Variants in OOSP1 observed in about 807,000 individuals in gnomAD.
The protein encoded by OOSP1 is oocyte secreted protein 1, also known as putative oocyte-secreted protein 1 homolog.
OOSP1 carries 11 observed loss-of-function variants against 5.7 expected under a neutral mutation model. The ratio of observed to expected loss-of-function variants is 1.94; its 90% confidence interval spans 1.22 to 3.20. OOSP1 has a LOEUF of 3.20. OOSP1 is among the 30% of genes most tolerant of loss of function. The pLI, the probability that OOSP1 is intolerant of heterozygous loss-of-function variation, is 0.00. For synonymous variants in OOSP1, 44 were observed against 20.0 expected (o/e 2.20, Z -3.20); for missense variants, 83 against 54.1 (o/e 1.53, Z -1.67).
intron 4 of OOSP1, chr11:59,948,561 C>T (rs1853910159): frequency 5.1e-6 from 2 of 390,310 alleles, no homozygotes; most frequent in Non-Finnish European, 9.1e-6. Context: ...TTTCTTTCTT[C>T]TCCTCCCTTA....
At chr11:59,942,463 G>A (rs1853839574) in intron 1 of OOSP1, among the ~76,000 whole-genome samples, 1 of 152,108 alleles carries the variant, frequency 6.6e-6, no homozygotes, top group Non-Finnish European at 1.5e-5. Flanking sequence ...GGAAGGGCTT[G>A]CGTCAAAGAG....
intron 2 of OOSP1, 63 bp from the exon 3 acceptor site, chr11:59,945,106 G>A (rs1375548540): frequency 2.9e-6 from 2 of 694,940 alleles, no homozygotes; most frequent in African/African-American, 3.5e-5. Context: ...CTATTTAAAT[G>A]CCTGTAAGTT....
At chr11:59,942,771 A>T in intron 1 of OOSP1, 76 bp from the exon 2 acceptor site, 1 of 632,678 alleles carries the variant, frequency 1.6e-6, no homozygotes, top group Non-Finnish European at 2.8e-6. Context: ...CATTTGTATT[A>T]ACAGGGTATG....
At chr11:59,950,587 T>C (rs1853930031) in intron 4 of OOSP1, among the ~76,000 whole-genome samples, 1 of 151,564 alleles carries the variant, frequency 6.6e-6, no homozygotes, top group Non-Finnish European at 1.5e-5. Context: ...GCAGGTGGAG[T>C]TGTCAGCTGT....
chr11:59,947,240 G>T (rs1356464806), intron 3 of OOSP1, among the ~76,000 whole-genome samples: 1 of 151,984 alleles, frequency 6.6e-6, no homozygotes, highest in African/African-American at 2.4e-5. Flanking sequence ...GTGCTTGTAT[G>T]AATGTATTTT....
At chr11:59,954,645 C>CTATCTATCTATCTA (rs1853976088) in intron 4 of OOSP1, among the ~76,000 whole-genome samples, 1 of 151,394 alleles carries the variant, frequency 6.6e-6, no homozygotes, top group Non-Finnish European at 1.5e-5. Flanking sequence ...ATCTATCTAT[C>CTATCTATCTATCTA]TATCTATCTA....
intron 2 of OOSP1, among the ~76,000 whole-genome samples, chr11:59,943,294 C>T (rs1438108234): frequency 6.6e-6 from 1 of 151,742 alleles, no homozygotes; most frequent in Non-Finnish European, 1.5e-5. Context: ...ACCAACATGG[C>T]ACATGTATAC....
At chr11:59,939,273 G>A (rs996219542) in intron 1 of OOSP1, among the ~76,000 whole-genome samples, 4 of 142,256 alleles carry the variant, frequency 2.8e-5, no homozygotes, top group Admixed American at 2.2e-4. Context: ...TTTTTTTTGG[G>A]ACAAGAGTCT....
chr11:59,946,929 A>G (rs1462443451), intron 3 of OOSP1, among the ~76,000 whole-genome samples: 1 of 148,006 alleles, frequency 6.8e-6, no homozygotes, highest in Admixed American at 6.7e-5. Flanking sequence ...CTATCTATCT[A>G]TCTATCTATC....
chr11:59,941,670 G>A (rs1425176426), intron 1 of OOSP1, among the ~76,000 whole-genome samples: 2 of 152,122 alleles, frequency 1.3e-5, no homozygotes, highest in African/African-American at 2.4e-5. Context: ...GAGCCACCTC[G>A]CCCAGCCCAT....
At chr11:59,950,073 G>C (rs61903601) in intron 4 of OOSP1, among the ~76,000 whole-genome samples, 1 of 152,148 alleles carries the variant, frequency 6.6e-6, no homozygotes, top group Non-Finnish European at 1.5e-5. Context: ...ATGTAGCATG[G>C]ATTTCATAGG....
chr11:59,950,698 G>A (rs529520806), intron 4 of OOSP1, among the ~76,000 whole-genome samples: 3 of 152,102 alleles, frequency 2.0e-5, no homozygotes, highest in Non-Finnish European at 4.4e-5. Flanking sequence ...AGACAGTTTT[G>A]GTGGAGAGGT....
intron 4 of OOSP1, among the ~76,000 whole-genome samples, chr11:59,951,018 T>C (rs1394448486): frequency 3.3e-5 from 5 of 152,046 alleles, no homozygotes; most frequent in Non-Finnish European, 5.9e-5. Flanking sequence ...ATTACTATCA[T>C]ATGATAGTAA....
chr11:59,940,453 G>A (rs999601232), intron 1 of OOSP1, among the ~76,000 whole-genome samples: 4 of 152,116 alleles, frequency 2.6e-5, no homozygotes, highest in African/African-American at 9.7e-5. Flanking sequence ...CAAATTTGTG[G>A]ATCTGTAAAT....
intron 4 of OOSP1, chr11:59,948,831 A>G (rs1379473690): frequency 5.0e-6 from 2 of 397,766 alleles, no homozygotes; most frequent in Non-Finnish European, 8.9e-6. Flanking sequence ...AGGACTGAGG[A>G]TTTAATGTGC....
chr11:59,939,839 C>A (rs1156597212), intron 1 of OOSP1, among the ~76,000 whole-genome samples: 3 of 144,014 alleles, frequency 2.1e-5, no homozygotes, highest in African/African-American at 7.7e-5. Context: ...CTTTTGTTTT[C>A]TTTCTTTCTT....
intron 4 of OOSP1, among the ~76,000 whole-genome samples, chr11:59,954,717 T>C (rs890487987): frequency 6.6e-6 from 1 of 151,994 alleles, no homozygotes; most frequent in African/African-American, 2.4e-5. Flanking sequence ...GCATCTTTCA[T>C]TGAGTTTACT....
rs1392240287 is a variant in OOSP1, at chr11:59,943,034, A to G, written c.258+6A>G. 3 of 702,542 alleles carry G rather than the reference A, an allele frequency of 4.3e-6. No individual in the cohort carries two copies. The highest frequency in any genetic ancestry group is 2.0e-5 in the Admixed American group (1 of 49,986). 43.5% of individuals were successfully genotyped at this position (702,542 alleles called of 1,614,324 possible). On this transcript the variant is annotated splice_donor_region_variant and intron_variant, in intron 2 of 4. Coordinates refer to ENST00000646685, the Ensembl canonical transcript of OOSP1. ...ACTGTGGTATTGTAACTCAAGTAAG[A>G]AATGGCTATCTTACTTAAAACCCAA...
intron 4 of OOSP1, among the ~76,000 whole-genome samples, chr11:59,950,131 A>G (rs1025529525): frequency 1.2e-4 from 18 of 152,228 alleles, no homozygotes; most frequent in Non-Finnish European, 1.6e-4. Flanking sequence ...GCTAGATATG[A>G]AATATGTTAG....
Sources: allele counts gnomAD v4.1 joint callset (sites outside exome capture counted in the v4.1 genomes callset), GRCh38; gene constraint gnomAD v4.1.1; transcripts MANE v1.5; gene names NCBI Gene and HGNC (gene_info 2026-07-23, HGNC 2026-07-21).